The following SPATA21 variants were observed in gnomAD, a reference collection of about 807,000 sequenced individuals.
SPATA21 encodes the protein spermatogenesis associated 21, also known as spermatogenesis-associated protein 21.
Under a neutral mutation model 54.8 loss-of-function variants are expected in SPATA21, and 47 were observed. The observed-to-expected ratio is 0.86, with a 90% confidence interval of 0.68 to 1.09. The LOEUF (loss-of-function observed/expected upper bound fraction) is 1.09, where lower values mean the gene tolerates loss of function less well. Ranked by LOEUF, SPATA21 falls within the 50% of genes least tolerant of loss-of-function variation. The pLI is 0.00. For missense variants in SPATA21, 599 were observed against 596.4 expected, an observed-to-expected ratio of 1.00 and a Z score of -0.05; for synonymous variants, 245 against 235.3, an observed-to-expected ratio of 1.04 and a Z score of -0.38.
At chr1:16,403,370 A>G (rs558406384) in intron 10 of SPATA21, among the ~76,000 whole-genome samples, 148 of 152,298 alleles carry the variant, frequency 9.7e-4, no homozygotes, top group Non-Finnish European at 1.9e-3. Flanking sequence ...TGGAGAGAGA[A>G]AGCCTTACTG....
chr1:16,401,730 C>T (rs2085454386), intron 10 of SPATA21, among the ~76,000 whole-genome samples: 1 of 152,204 alleles, frequency 6.6e-6, no homozygotes, highest in South Asian at 2.1e-4. Flanking sequence ...CCTATCCCCA[C>T]CCCTACCCTA....
rs2086180938 is a variant in SPATA21 at position 16,421,812 on chromosome 1, C to T, written c.95+99G>A. 1 of 1,567,308 alleles carries T rather than the reference C, an allele frequency of 6.4e-7. No homozygotes were observed. The highest frequency in any genetic ancestry group is 1.7e-5 in the Admixed American group (1 of 59,344). ...AGCATGACTTGCCCAAGGTCCTCTA[C>T]CAGGTCAGGAGCAGTCTGGACTAGA... On this transcript the variant is annotated intron_variant, in intron 4 of 12. Transcript: ENST00000335496. The surrounding 1 kb of genome is among the most constrained non-coding windows in gnomAD (Gnocchi z 5.2).
At chr1:16,407,095 G>C (rs2085666971) in intron 7 of SPATA21, among the ~76,000 whole-genome samples, 1 of 152,232 alleles carries the variant, frequency 6.6e-6, no homozygotes, top group Admixed American at 6.5e-5. Context: ...TATGAACTCA[G>C]TGCTGGCACA....
chr1:16,403,683 T>G, intron 10 of SPATA21, 44 bp downstream of exon 10: 6 of 1,544,660 alleles, frequency 3.9e-6, no homozygotes, highest in Non-Finnish European at 5.4e-6. Flanking sequence ...AGATGCCACC[T>G]CTGTGTCCAC....
chr1:16,431,465 C>G, intron 2 of SPATA21, 43 bp from the exon 3 acceptor site: 3 of 1,557,768 alleles, frequency 1.9e-6, no homozygotes, highest in Non-Finnish European at 2.6e-6. Flanking sequence ...AGCCCATCAC[C>G]TAACTGCTGC....
chr1:16,402,249 C>CTTTTTTT lies in SPATA21; in HGVS notation c.1002-1364_1002-1358dup, dbSNP rs869032281. Among the ~76,000 whole-genome samples, 227 of 55,966 alleles carry CTTTTTTT rather than the reference C, an allele frequency of 4.1e-3. 20 individuals carry two copies. The highest frequency in any genetic ancestry group is 7.4e-3 in the East Asian group (9 of 1,210). The allele number at this position is 55,966 out of a possible 152,430, so 36.7% of individuals were successfully genotyped here. ...CTTCTGGCAGTTCTGAGCTGCCATT[C>CTTTTTTT]TTTTTTTTTTTTTTTTTTTTTTTTT... On this transcript the variant is annotated intron_variant, in intron 10 of 12. Transcript: ENST00000335496.
At position 16,421,458 on chromosome 1, in the gene SPATA21, C is replaced by T. The variant is rs960840981; in HGVS notation, c.144+51G>A. 25 of 1,552,376 alleles carry T rather than the reference C, an allele frequency of 1.6e-5. No individual in the cohort carries two copies. In the African/African-American group the frequency reaches 3.3e-4, roughly 20 times the overall value. ...GCCCTCTTCCTCCTCCTGATCCCCC[C>T]TGCCTTTCTCCTACACAGCTCGTCC... On this transcript the variant is annotated intron_variant, in intron 5 of 12. Transcript: ENST00000335496. The surrounding 1 kb of genome is among the most constrained non-coding windows in gnomAD (Gnocchi z 5.2).
Position 16,403,840 on chromosome 1 carries a change from C to A in SPATA21, c.888G>T (p.Gln296His). 6.2e-7 allele frequency: 1 copy of A among 1,609,882 alleles called. No individual in the cohort carries two copies. The highest frequency in any genetic ancestry group is 1.1e-5 in the South Asian group (1 of 90,366). Residue 296 changes from glutamine (Q) to histidine (H), a missense_variant, in exon 10 of 13, where the codon CAG (glutamine) becomes CAT (histidine). Coordinates refer to ENST00000335496, the MANE Select transcript of SPATA21 (RefSeq NM_198546.1). ...GGGGAGCCATGTCCGACAGGGCGTT[C>A]TGTTCTGGAGACATGGGATAGTGGC... is the stretch of plus-strand genomic sequence containing the variant. The part of the protein sequence containing the change: ...DTRRFFCSVE[Q>H]NALSDMAPHN...
At position 16,421,595 on chromosome 1, in the gene SPATA21, C is replaced by T. The variant is rs780699492; in HGVS notation, c.96-38G>A. 5.0e-6 allele frequency: 8 copies of T among 1,598,802 alleles called. No individual in the cohort carries two copies. The highest frequency in any genetic ancestry group is 1.7e-5 in the Admixed American group (1 of 58,066). Reference sequence around the variant, plus strand: ...GAAACCCCCAGGTGGGGGAAGCGCTCAGCTGAAGGTTTGCCCCCCTGCCCT... The same window carrying T: ...GAAACCCCCAGGTGGGGGAAGCGCTTAGCTGAAGGTTTGCCCCCCTGCCCT... On this transcript the variant is annotated intron_variant, in intron 4 of 12. Coordinates refer to ENST00000335496, the MANE Select transcript of SPATA21 (RefSeq NM_198546.1). This position sits in a 1 kb window ranked among gnomAD's most constrained non-coding sequence, Gnocchi z 5.2.
rs117705327 is a variant in SPATA21, at chr1:16,430,783, A to T, written c.34+555T>A. ...TATCAAGAGATCCAGACCACTCCCC[A>T]CTGCCATGGTGATTGGTTCAAGGAT... On this transcript the variant is annotated intron_variant, in intron 3 of 12. Transcript: ENST00000335496. Among the ~76,000 whole-genome samples, 60 of 152,310 alleles carry T rather than the reference A, an allele frequency of 3.9e-4. No individual in the cohort carries two copies. In the East Asian group the frequency reaches 9.8e-3, roughly 25 times the overall value.
intron 3 of SPATA21, among the ~76,000 whole-genome samples, chr1:16,423,479 A>C (rs1001802089): frequency 1.3e-5 from 2 of 150,624 alleles, no homozygotes; most frequent in Non-Finnish European, 3.0e-5. Flanking sequence ...TTACTGAGCA[A>C]CCAAAAGAAC....
At position 16,437,114 on chromosome 1, in the gene SPATA21, G is replaced by A. The variant is rs2086605870; in HGVS notation, c.-187+14C>T. On this transcript the variant is annotated intron_variant, in intron 1 of 12. Coordinates refer to ENST00000335496, the MANE Select transcript of SPATA21 (RefSeq NM_198546.1). ...GCTTGTTCACCTTACACCCCACCTT[G>A]GCCCTGCACCTACCAGAAATCAGCT... 1 of 152,180 alleles carries A rather than the reference G, an allele frequency of 6.6e-6. No individual in the cohort carries two copies. Among genetic ancestry groups the A allele is most frequent in the Admixed American group, 6.6e-5 (1 of 15,262 alleles). 9.4% of individuals were successfully genotyped at this position (152,180 alleles called of 1,614,324 possible). A position where few individuals can be genotyped will look rare whatever the true frequency, so the allele number is the denominator to read the frequency against.
intron 5 of SPATA21, among the ~76,000 whole-genome samples, chr1:16,411,646 C>T (rs1016883505): frequency 2.6e-5 from 4 of 151,756 alleles, no homozygotes; most frequent in African/African-American, 7.3e-5. Context: ...AAAAATTCGC[C>T]GGGTGTGGTG....
intron 7 of SPATA21, among the ~76,000 whole-genome samples, chr1:16,405,799 G>A (rs1252037063): frequency 3.3e-5 from 5 of 152,284 alleles, no homozygotes; most frequent in South Asian, 2.1e-4. Flanking sequence ...ACAATGCAGC[G>A]ATCCTTGCAA....
At chr1:16,433,835 T>G (rs2086519989) in intron 1 of SPATA21, among the ~76,000 whole-genome samples, 1 of 152,236 alleles carries the variant, frequency 6.6e-6, no homozygotes, top group Non-Finnish European at 1.5e-5. Context: ...GACCCTTTTT[T>G]GTTTACAGCT....
rs1471579326 is a variant in SPATA21, at chr1:16,400,860, C to G, written c.1034G>C (p.Cys345Ser). Residue 345 changes from cysteine (C) to serine (S), a missense_variant, in exon 11 of 13, where the codon TGC becomes TCC. Cys to Ser is a moderately radical substitution (Grantham distance 112). Transcript: ENST00000335496. ...GGCCGCTTCCATCTCCTGGGCCTTG[C>G]AGGTGCCTTCCTTCAGCTTTTTCTG... ...YYQKKLKEGT[C>S]KAQEMEAAVG... The G allele has an allele frequency of 6.2e-7, 1 of 1,613,534 alleles. No individual in the cohort carries two copies. Among genetic ancestry groups the G allele is most frequent in the Non-Finnish European group, 8.5e-7 (1 of 1,179,774 alleles).
intron 3 of SPATA21, among the ~76,000 whole-genome samples, chr1:16,429,320 C>T (rs145624774): frequency 0.022 from 3,198 of 147,856 alleles, 112 homozygotes; most frequent in African/African-American, 0.072. Context: ...TTTTTTGAGA[C>T]GGGGTCTCAC....
chr1:16,408,914 C>CT (rs1318421581), intron 7 of SPATA21, among the ~76,000 whole-genome samples: 5 of 151,106 alleles, frequency 3.3e-5, no homozygotes, highest in African/African-American at 1.2e-4. Flanking sequence ...TCTGGCCCCC[C>CT]CAACCCAGCA....
intron 7 of SPATA21, among the ~76,000 whole-genome samples, chr1:16,405,514 AAC>A (rs1491512869): frequency 2.0e-5 from 3 of 146,684 alleles, no homozygotes; most frequent in Admixed American, 6.8e-5. Flanking sequence ...AAAAAAAAAA[AAC>A]TGGGCATGGT....
Sources: gnomAD v4.1 joint callset for allele counts (sites outside exome capture counted in the v4.1 genomes callset) on GRCh38, gnomAD v4.1.1 for gene constraint, Gnocchi (gnomAD v3.1) non-coding constraint, MANE v1.5 for transcripts, NCBI Gene and HGNC (gene_info 2026-07-23, HGNC 2026-07-21) for gene names.